The following PCDH11X variants were observed in gnomAD, a reference collection of about 807,000 sequenced individuals.
PCDH11X encodes the protein protocadherin-11 X-linked.
PCDH11X carries 18 observed loss-of-function variants against 53.3 expected under a neutral mutation model. That is an observed-to-expected ratio of 0.34 (90% CI 0.23 to 0.50). PCDH11X has a LOEUF of 0.50. PCDH11X is among the 20% of genes least tolerant of loss of function. PCDH11X has a pLI of 0.98. For synonymous variants in PCDH11X, 279 were observed against 393.3 expected (o/e 0.71, Z 3.44); for missense variants, 570 against 1,032.4 (o/e 0.55, Z 6.14).
intron 9 of PCDH11X, among the ~76,000 whole-genome samples, chrX:92,412,241 G>A (rs1301109058): frequency 1.9e-5 from 2 of 107,977 alleles, no homozygotes; most frequent in East Asian, 5.9e-4. Flanking sequence ...TAAGCTGAAG[G>A]TCTTTCTTTA....
chrX:92,119,315 C>T (rs1415374733), intron 6 of PCDH11X, among the ~76,000 whole-genome samples: 2 of 110,201 alleles, frequency 1.8e-5, no homozygotes, highest in African/African-American at 6.6e-5. Flanking sequence ...TTATGTTGCC[C>T]ATACTGGTCT....
At chrX:92,296,395 C>T (rs1199313357) in intron 8 of PCDH11X, among the ~76,000 whole-genome samples, 2 of 106,271 alleles carry the variant, frequency 1.9e-5, no homozygotes, top group Non-Finnish European at 1.9e-5. Context: ...CTGACCCTCC[C>T]CCGACCCACC....
At chrX:92,013,194 C>A (rs1041560143) in intron 6 of PCDH11X, among the ~76,000 whole-genome samples, 38 of 111,654 alleles carry the variant, frequency 3.4e-4, no homozygotes, top group African/African-American at 1.1e-3. Context: ...TCTCGGGATA[C>A]AAAATCAATG....
At chrX:91,856,640 C>T (rs1938352053) in intron 5 of PCDH11X, among the ~76,000 whole-genome samples, 1 of 110,150 alleles carries the variant, frequency 9.1e-6, no homozygotes, top group African/African-American at 3.3e-5. Context: ...TGTGGTGTTC[C>T]CCTCCCTGTG....
Position 92,619,790 on chromosome X carries a change from C to T in PCDH11X, c.*850C>T, listed in dbSNP as rs2148823654. ...GCCTGTAGTCCATTATTACTTGGGT[C>T]TTTACTTCTGGGAATTTGTATGTAA... is the stretch of plus-strand genomic sequence containing the variant. On this transcript the variant is annotated 3_prime_UTR_variant, in exon 11 of 11. Coordinates refer to ENST00000682573, the MANE Select transcript of PCDH11X (RefSeq NM_032968.5). The T allele has an allele frequency of 9.1e-6, 1 of 109,922 alleles. No homozygotes were observed. Among genetic ancestry groups the T allele is most frequent in the Non-Finnish European group, 1.9e-5 (1 of 52,661 alleles). The allele number at this position is 109,922 out of a possible 1,213,427, so 9.1% of individuals were successfully genotyped here. A position where few individuals can be genotyped will look rare whatever the true frequency, so the allele number is the denominator to read the frequency against.
In PCDH11X at chrX:92,321,398, A is replaced by G. The variant is rs771625425; in HGVS notation, c.3144+58255A>G. 4.7e-3 allele frequency among the ~76,000 whole-genome samples: 506 copies of G among 108,369 alleles called. 1 individual carries two copies. Among genetic ancestry groups the G allele is most frequent in the African/African-American group, 0.016 (473 of 29,691 alleles). 94.1% of individuals were successfully genotyped at this position (108,369 alleles called of 115,157 possible). A position where few individuals can be genotyped will look rare whatever the true frequency, so the allele number is the denominator to read the frequency against. Reference sequence around the variant, plus strand: ...TTTTTAGTAGAGACGGGGTTTCACCATGTTAGCCAGGATGGTCTCAATCTC... The same window carrying G: ...TTTTTAGTAGAGACGGGGTTTCACCGTGTTAGCCAGGATGGTCTCAATCTC... On this transcript the variant is annotated intron_variant, in intron 8 of 10. Coordinates refer to ENST00000682573, the MANE Select transcript of PCDH11X (RefSeq NM_032968.5).
At chrX:92,445,797 T>C (rs1179472315) in intron 9 of PCDH11X, among the ~76,000 whole-genome samples, 2 of 110,795 alleles carry the variant, frequency 1.8e-5, no homozygotes, top group Non-Finnish European at 3.8e-5. Context: ...TCTAGTAAGA[T>C]ACACTGCTGA....
chrX:92,353,542 C>T (rs1223937934), intron 8 of PCDH11X, among the ~76,000 whole-genome samples: 3 of 110,687 alleles, frequency 2.7e-5, no homozygotes, highest in Non-Finnish European at 5.7e-5. Flanking sequence ...TCATTTTACG[C>T]CTCTTTGCTT....
chrX:92,186,535 G>A (rs2066098556), intron 6 of PCDH11X, among the ~76,000 whole-genome samples: 1 of 105,547 alleles, frequency 9.5e-6, no homozygotes, highest in African/African-American at 3.5e-5. Context: ...GGCTGAGGCA[G>A]AAGAACGGCT....
intron 6 of PCDH11X, among the ~76,000 whole-genome samples, chrX:91,967,498 G>A (rs190384672): frequency 0.023 from 2,547 of 109,837 alleles, 46 homozygotes; most frequent in African/African-American, 0.056. Flanking sequence ...ATCTGAGGTG[G>A]AATAGTTTCA....
intron 5 of PCDH11X, among the ~76,000 whole-genome samples, chrX:91,838,364 A>T (rs971646641): frequency 4.5e-5 from 5 of 111,883 alleles, no homozygotes; most frequent in Non-Finnish European, 9.4e-5. Context: ...ATGTGTGATA[A>T]GCCTAAAGTA....
chrX:92,268,517 A>G (rs2067882604), intron 8 of PCDH11X, among the ~76,000 whole-genome samples: 1 of 110,928 alleles, frequency 9.0e-6, no homozygotes, highest in Admixed American at 9.6e-5. Context: ...GGGTGTAATT[A>G]GTATTATGAA....
chrX:92,068,759 T>C (rs1286144258), intron 6 of PCDH11X, among the ~76,000 whole-genome samples: 1 of 110,291 alleles, frequency 9.1e-6, no homozygotes. Context: ...AGGCTGGTCT[T>C]GAACTCCTGA....
At chrX:92,314,536 CTT>C (rs2069030878) in intron 8 of PCDH11X, among the ~76,000 whole-genome samples, 1 of 111,512 alleles carries the variant, frequency 9.0e-6, no homozygotes, top group Non-Finnish European at 1.9e-5. Context: ...ATTATCAAGT[CTT>C]ATGTACTGTA....
chrX:91,883,414 C>G (rs775258798), intron 6 of PCDH11X: 1 of 746,491 alleles, frequency 1.3e-6, no homozygotes, highest in Admixed American at 8.9e-5. Flanking sequence ...CCCAAACAAA[C>G]AAAAAACAAA....
intron 8 of PCDH11X, among the ~76,000 whole-genome samples, chrX:92,280,989 T>C (rs2068240079): frequency 9.0e-6 from 1 of 111,263 alleles, no homozygotes; most frequent in Non-Finnish European, 1.9e-5. Flanking sequence ...CCCTCTACAG[T>C]ATTCTAAGCA....
chrX:91,825,431 C>T (rs191138064), intron 4 of PCDH11X, among the ~76,000 whole-genome samples: 1,318 of 111,502 alleles, frequency 0.012, 20 homozygotes, highest in African/African-American at 0.041. Flanking sequence ...GGGATTGACC[C>T]GATTTTCCAG....
At chrX:92,358,898 G>C in intron 8 of PCDH11X, among the ~76,000 whole-genome samples, 1 of 109,113 alleles carries the variant, frequency 9.2e-6, no homozygotes, top group Middle Eastern at 4.8e-3. Context: ...ATCTCAATAA[G>C]GCAAGGACAT....
chrX:92,056,389 G>T (rs961343920), intron 6 of PCDH11X, among the ~76,000 whole-genome samples: 17 of 110,634 alleles, frequency 1.5e-4, no homozygotes, highest in African/African-American at 4.6e-4. Flanking sequence ...TGTTTGTGTG[G>T]TTTTTTTTGT....
Sources: gnomAD v4.1 joint callset for allele counts (sites outside exome capture counted in the v4.1 genomes callset) on GRCh38, gnomAD v4.1.1 for gene constraint, MANE v1.5 for transcripts, NCBI Gene and HGNC (gene_info 2026-07-23, HGNC 2026-07-21) for gene names.